DOCK7: variants seen among roughly 807,000 people sequenced by gnomAD.
DOCK7 encodes the protein dedicator of cytokinesis protein 7.
A neutral mutation model predicts 271.0 loss-of-function variants in DOCK7; 138 were observed. The ratio of observed to expected loss-of-function variants is 0.51; its 90% CI spans 0.44 to 0.59. DOCK7 has a LOEUF of 0.59. Among genes scored for constraint, DOCK7 ranks in the 20% least tolerant of loss-of-function variants. The probability of loss-of-function intolerance (pLI) is 0.00; values close to 1 mark genes in which losing one functional copy is unlikely to be tolerated. For missense variants in DOCK7, 2,066 were observed against 2,592.4 expected (o/e 0.80, Z 4.41); for synonymous variants, 823 against 876.1 (o/e 0.94, Z 1.07).
chr1:62,468,233 C>T (rs149188756), intron 48 of DOCK7, among the ~76,000 whole-genome samples: 41 of 151,886 alleles, frequency 2.7e-4, no homozygotes, highest in African/African-American at 8.7e-4. Context: ...TGGTGGCAGG[C>T]GCCTGTAATC....
intron 18 of DOCK7, among the ~76,000 whole-genome samples, chr1:62,573,833 A>G (rs1304805851): frequency 6.6e-6 from 1 of 152,058 alleles, no homozygotes; most frequent in Non-Finnish European, 1.5e-5. Flanking sequence ...GCTGGAGTGC[A>G]GTGGTGCAAT....
chr1:62,629,664 T>C (rs1458473558), intron 11 of DOCK7: 1 of 152,220 alleles, frequency 6.6e-6, no homozygotes, highest in East Asian at 1.9e-4. Context: ...GTAGCAGTGG[T>C]TGCAGAACCC....
chr1:62,608,364 A>C (rs1188802029), intron 14 of DOCK7: 1 of 152,136 alleles, frequency 6.6e-6, no homozygotes. Context: ...ACTTTTAAAC[A>C]TCTCCTCTAT....
intron 43 of DOCK7, chr1:62,479,115 A>G (rs1463523628): frequency 1.3e-5 from 2 of 152,194 alleles, no homozygotes; most frequent in Admixed American, 6.5e-5. Flanking sequence ...TGCGCATTAC[A>G]AGTAAGTAAA....
chr1:62,601,911 T>C (rs751008551), intron 14 of DOCK7: 104 of 1,419,692 alleles, frequency 7.3e-5, no homozygotes, highest in Non-Finnish European at 9.6e-5. Flanking sequence ...GAATAGACAG[T>C]AGTTAGTTCA....
chr1:62,485,304 A>G (rs2149277876), intron 43 of DOCK7: 78 of 985,402 alleles, frequency 7.9e-5, no homozygotes, highest in Non-Finnish European at 9.2e-5. Context: ...TTTGCATGGT[A>G]AAGACTTTAC....
intron 14 of DOCK7, chr1:62,601,233 T>C (rs748530689): frequency 2.6e-5 from 34 of 1,332,292 alleles, no homozygotes; most frequent in Non-Finnish European, 3.6e-5. Flanking sequence ...TTGAAGCTAT[T>C]ATTATCAAAT....
intron 14 of DOCK7, among the ~76,000 whole-genome samples, chr1:62,593,925 G>C (rs1648836372): frequency 6.6e-6 from 1 of 152,062 alleles, no homozygotes; most frequent in Admixed American, 6.6e-5. Flanking sequence ...TATTTTATTT[G>C]AAAGACATAT....
chr1:62,457,776 A>G, intron 48 of DOCK7, 71 bp from the exon 49 acceptor site: 1 of 1,389,702 alleles, frequency 7.2e-7, no homozygotes, highest in Non-Finnish European at 1.0e-6. Flanking sequence ...ATACACACGC[A>G]AAATACATAT....
chr1:62,625,276 T>C lies in DOCK7; in HGVS notation c.1408A>G (p.Thr470Ala). ...AACAATACCTGCTTAAAAAAATTTG[T>C]CACTGTGAGAGTAGCTGGTCGAAAG... ...TSFRPATLTV[T>A]NFFKQEGDRL... Residue 470 changes from threonine (T) to alanine (A), a missense_variant, in exon 12 of 50, where the codon ACA becomes GCA. Transcript: ENST00000635253. The C allele has an allele frequency of 6.2e-7, 1 of 1,613,906 alleles. No individual in the cohort carries two copies. Among genetic ancestry groups the C allele is most frequent in the Non-Finnish European group, 8.5e-7 (1 of 1,179,934 alleles).
intron 14 of DOCK7, chr1:62,598,558 T>C: frequency 3.1e-6 from 2 of 648,490 alleles, no homozygotes; most frequent in East Asian, 2.8e-5. Flanking sequence ...GAAAGAAGCA[T>C]ACAAGGGGAA....
At chr1:62,557,638 T>C (rs1646189671) in intron 20 of DOCK7, among the ~76,000 whole-genome samples, 1 of 148,038 alleles carries the variant, frequency 6.8e-6, no homozygotes, top group Non-Finnish European at 1.5e-5. Flanking sequence ...AGAGGGACTC[T>C]GGAACCAGTT....
intron 1 of DOCK7, among the ~76,000 whole-genome samples, chr1:62,679,841 G>T (rs1660914376): frequency 6.6e-6 from 1 of 152,124 alleles, no homozygotes; most frequent in African/African-American, 2.4e-5. Context: ...GGATGTGAAG[G>T]ACCTCTTCAA....
intron 1 of DOCK7, 125 bp downstream of exon 1, chr1:62,688,102 G>A (rs1231884298): frequency 8.8e-7 from 1 of 1,141,332 alleles, no homozygotes; most frequent in Non-Finnish European, 1.1e-6. Context: ...GCCCCGCCGC[G>A]AGCCAGGCCG....
chr1:62,461,811 C>T (rs1645537133), intron 48 of DOCK7, among the ~76,000 whole-genome samples: 2 of 151,932 alleles, frequency 1.3e-5, no homozygotes, highest in African/African-American at 4.8e-5. Flanking sequence ...GTGGCTCATG[C>T]CTGTAATCCC....
intron 31 of DOCK7, among the ~76,000 whole-genome samples, chr1:62,527,317 T>C (rs897868577): frequency 6.6e-5 from 10 of 152,236 alleles, no homozygotes; most frequent in Non-Finnish European, 1.3e-4. Context: ...TGAGAATCTT[T>C]CTTAGGGCTG....
Position 62,562,286 on chromosome 1 carries a change from C to T in DOCK7, c.2113-583G>A, listed in dbSNP as rs573772570. 2.2e-5 allele frequency among the ~76,000 whole-genome samples: 3 copies of T among 133,828 alleles called. No homozygotes were observed. In the East Asian group the frequency reaches 7.4e-4, roughly 33 times the overall value. The allele number at this position is 133,828 out of a possible 152,430, so 87.8% of individuals were successfully genotyped here. A position where few individuals can be genotyped will look rare whatever the true frequency, so the allele number is the denominator to read the frequency against. ...TCGCTCTGTCACCCAGGCCGGAGTG[C>T]AGTGGCATGATTTCAGCTCACTGCA... is the stretch of plus-strand genomic sequence containing the variant. On this transcript the variant is annotated intron_variant, in intron 18 of 49. Coordinates refer to ENST00000635253, the MANE Select transcript of DOCK7 (RefSeq NM_001367561.1).
chr1:62,653,615 C>T (rs1383679668), intron 4 of DOCK7, 110 bp downstream of exon 4: 2 of 693,556 alleles, frequency 2.9e-6, no homozygotes, highest in East Asian at 5.4e-5. Context: ...GTTTCTTCAG[C>T]TATTTTGTTT....
intron 17 of DOCK7, among the ~76,000 whole-genome samples, chr1:62,578,239 T>C (rs1646997271): frequency 6.6e-6 from 1 of 152,208 alleles, no homozygotes; most frequent in African/African-American, 2.4e-5. Context: ...GAACCTATTA[T>C]ATTTATACTG....
Sources: gnomAD v4.1 joint callset for allele counts (sites outside exome capture counted in the v4.1 genomes callset) on GRCh38, gnomAD v4.1.1 for gene constraint, MANE v1.5 for transcripts, NCBI Gene and HGNC (gene_info 2026-07-23, HGNC 2026-07-21) for gene names.